The following TMEM135 variants were observed in gnomAD, a reference collection of about 807,000 sequenced individuals.
TMEM135 encodes peroxisomal membrane protein 52.
A neutral mutation model predicts 60.3 loss-of-function variants in TMEM135; 30 were observed. The ratio of observed to expected loss-of-function variants is 0.50; its 90% CI spans 0.37 to 0.68. TMEM135 has a LOEUF of 0.68. Ranked by LOEUF, TMEM135 falls within the 30% of genes least tolerant of loss-of-function variation. The pLI is 0.00. For missense variants in TMEM135, 468 were observed against 548.8 expected (o/e 0.85, Z 1.47); for synonymous variants, 190 against 186.7 (o/e 1.02, Z -0.14).
At chr11:87,154,987 TTTTATTTA>T (rs201665936) in intron 4 of TMEM135, among the ~76,000 whole-genome samples, 2 of 122,240 alleles carry the variant, frequency 1.6e-5, no homozygotes, top group Non-Finnish European at 1.9e-5. Context: ...TGAAATCCAG[TTTTATTTA>T]TTTATTTATT....
At chr11:87,142,869 C>T (rs1233689243) in intron 4 of TMEM135, among the ~76,000 whole-genome samples, 2 of 151,518 alleles carry the variant, frequency 1.3e-5, no homozygotes, top group African/African-American at 2.4e-5. Context: ...TTTTCTTCAA[C>T]ATTCAGAAGG....
chr11:87,170,730 G>A (rs1322080504), intron 5 of TMEM135, among the ~76,000 whole-genome samples: 2 of 152,128 alleles, frequency 1.3e-5, no homozygotes, highest in Non-Finnish European at 2.9e-5. Flanking sequence ...CTGTTGACCT[G>A]TGCTGGGAGG....
chr11:87,073,170 G>T (rs1050837674), intron 3 of TMEM135, among the ~76,000 whole-genome samples: 1 of 152,118 alleles, frequency 6.6e-6, no homozygotes, highest in Non-Finnish European at 1.5e-5. Context: ...AAGTAGCTGG[G>T]ACTACAGGCA....
In TMEM135 at chr11:87,325,059, T is replaced by C. The variant is rs10898668; in HGVS notation, c.*3726T>C. The C allele has an allele frequency of 0.058, 26,431 of 453,936 alleles. 1,643 individuals carry two copies. The highest frequency in any genetic ancestry group is 0.19 in the African/African-American group (9,333 of 50,034). The allele number at this position is 453,936 out of a possible 1,614,324, so 28.1% of individuals were successfully genotyped here. A position where few individuals can be genotyped will look rare whatever the true frequency, so the allele number is the denominator to read the frequency against. On this transcript the variant is annotated 3_prime_UTR_variant, in exon 15 of 15. Transcript: ENST00000305494. ...TTTACTATTGGTGCTGAAGCCACCA[T>C]TGGTGCCAGCTCTATAATTTCTTCT...
At chr11:87,117,393 A>G (rs1857916696) in intron 4 of TMEM135, among the ~76,000 whole-genome samples, 1 of 152,198 alleles carries the variant, frequency 6.6e-6, no homozygotes, top group South Asian at 2.1e-4. Flanking sequence ...ATAGCATTTC[A>G]TCCACAGTAC....
chr11:87,221,986 A>G (rs1019386359), intron 5 of TMEM135, among the ~76,000 whole-genome samples: 6 of 152,140 alleles, frequency 3.9e-5, no homozygotes, highest in Admixed American at 6.5e-5. Context: ...TTGTGAGGTC[A>G]GGAGATCGAG....
chr11:87,271,877 A>G (rs975919488), intron 6 of TMEM135, among the ~76,000 whole-genome samples: 3 of 151,746 alleles, frequency 2.0e-5, no homozygotes, highest in African/African-American at 7.3e-5. Flanking sequence ...TCGAGGCTGC[A>G]TTGAGCAGAG....
At chr11:87,059,307 C>CTTTTT (rs774797136) in intron 1 of TMEM135, among the ~76,000 whole-genome samples, 2 of 134,634 alleles carry the variant, frequency 1.5e-5, no homozygotes, top group Non-Finnish European at 3.2e-5. Context: ...GTTTGAAGTT[C>CTTTTT]TTTTTTTTTT....
intron 1 of TMEM135, among the ~76,000 whole-genome samples, chr11:87,039,349 G>A (rs779509422): frequency 6.6e-6 from 1 of 152,136 alleles, no homozygotes; most frequent in Non-Finnish European, 1.5e-5. Context: ...TTAAAATGGG[G>A]GTTCTAATTC....
In TMEM135 at chr11:87,326,353, C is replaced by G. The variant is rs998887188; in HGVS notation, c.*5020C>G. On this transcript the variant is annotated 3_prime_UTR_variant, in exon 15 of 15. Transcript: ENST00000305494. ...GGTCACCCTGCATTACTACTTTCCTCCATCCCTGAACTAGGACCAGTTAAT... is the reference window on the plus strand; with the variant it reads ...GGTCACCCTGCATTACTACTTTCCTGCATCCCTGAACTAGGACCAGTTAAT... 8 of 453,970 alleles carry G rather than the reference C, an allele frequency of 1.8e-5. No homozygotes were observed. The highest frequency in any genetic ancestry group is 1.4e-4 in the African/African-American group (7 of 49,990). The allele number at this position is 453,970 out of a possible 1,614,324, so 28.1% of individuals were successfully genotyped here.
chr11:87,304,413 G>A (rs535352498), intron 8 of TMEM135, among the ~76,000 whole-genome samples: 1 of 150,220 alleles, frequency 6.7e-6, no homozygotes, highest in African/African-American at 2.4e-5. Flanking sequence ...ACAAATTTCA[G>A]TGTAGTTCTG....
intron 4 of TMEM135, among the ~76,000 whole-genome samples, chr11:87,133,814 C>G (rs746500031): frequency 1.3e-5 from 2 of 151,960 alleles, no homozygotes; most frequent in Non-Finnish European, 2.9e-5. Context: ...TTTATCTGGC[C>G]TCTTTCAGCA....
intron 6 of TMEM135, among the ~76,000 whole-genome samples, chr11:87,254,849 A>G (rs1440723727): frequency 6.6e-6 from 1 of 152,058 alleles, no homozygotes; most frequent in Non-Finnish European, 1.5e-5. Flanking sequence ...ATGGTTAAAA[A>G]CAAAATAAGG....
chr11:87,231,645 T>G (rs959763561), intron 5 of TMEM135, among the ~76,000 whole-genome samples: 1 of 152,106 alleles, frequency 6.6e-6, no homozygotes, highest in Admixed American at 6.5e-5. Context: ...ATAGGAAAAT[T>G]TGAGCCATAA....
chr11:87,145,655 T>C (rs751752882), intron 4 of TMEM135, among the ~76,000 whole-genome samples: 2 of 151,660 alleles, frequency 1.3e-5, no homozygotes, highest in Non-Finnish European at 2.9e-5. Flanking sequence ...ATTGTGGTTT[T>C]AATTTGCATT....
chr11:87,053,843 C>G (rs1949866126), intron 1 of TMEM135, among the ~76,000 whole-genome samples: 1 of 152,134 alleles, frequency 6.6e-6, no homozygotes, highest in Non-Finnish European at 1.5e-5. Flanking sequence ...CTTTTAATTA[C>G]TCACTAATCT....
chr11:87,252,988 T>C (rs1591142075), intron 6 of TMEM135, among the ~76,000 whole-genome samples: 1 of 152,050 alleles, frequency 6.6e-6, no homozygotes, highest in East Asian at 1.9e-4. Flanking sequence ...TTAGGAGTGT[T>C]ACTTTCCTCA....
chr11:87,062,799 G>GA (rs1401437164), intron 1 of TMEM135, among the ~76,000 whole-genome samples: 4 of 152,002 alleles, frequency 2.6e-5, no homozygotes, highest in Admixed American at 2.0e-4. Context: ...TTTAGAAGTA[G>GA]AAAAAATGAA....
chr11:87,084,063 T>C (rs1419069093), intron 3 of TMEM135, among the ~76,000 whole-genome samples: 2 of 152,148 alleles, frequency 1.3e-5, no homozygotes, highest in Non-Finnish European at 2.9e-5. Flanking sequence ...AAGTGTGATA[T>C]GTAGTATTAT....
Sources: allele counts gnomAD v4.1 joint callset (sites outside exome capture counted in the v4.1 genomes callset), GRCh38; gene constraint gnomAD v4.1.1; transcripts MANE v1.5; gene names NCBI Gene and HGNC (gene_info 2026-07-23, HGNC 2026-07-21).